Variants in HS3ST3A1 observed in about 807,000 individuals in gnomAD.
HS3ST3A1 encodes heparan sulfate-glucosamine 3-sulfotransferase 3A1.
Under a neutral mutation model 25.7 loss-of-function variants are expected in HS3ST3A1, and 19 were observed. That is an observed-to-expected ratio of 0.74 (90% confidence interval 0.52 to 1.08). The LOEUF is 1.08. Among genes scored for constraint, HS3ST3A1 ranks in the 50% least tolerant of loss-of-function variants. The probability of loss-of-function intolerance (pLI) is 0.00; values close to 1 mark genes in which losing one functional copy is unlikely to be tolerated. For synonymous variants in HS3ST3A1, 226 were observed against 278.6 expected (o/e 0.81, Z 1.88); for missense variants, 459 against 594.3 (o/e 0.77, Z 2.37).
At chr17:13,535,721 C>T (rs540756897) in intron 1 of HS3ST3A1, among the ~76,000 whole-genome samples, 3 of 152,186 alleles carry the variant, frequency 2.0e-5, no homozygotes, top group African/African-American at 7.2e-5. Flanking sequence ...TCTGTTCTTC[C>T]AAATCAGCTT....
chr17:13,496,663 T>C lies in HS3ST3A1; in HGVS notation c.755A>G (p.Asp252Gly). 1 of 1,613,646 alleles carries C rather than the reference T, an allele frequency of 6.2e-7. No homozygotes were observed. The highest frequency in any genetic ancestry group is 8.5e-7 in the Non-Finnish European group (1 of 1,179,896). Reference protein sequence around the residue: ...VRDPVTRAISDYTQTLSKRPD... With the variant: ...VRDPVTRAISGYTQTLSKRPD... ...CCGCTTGGACAGCGTCTGCGTGTAG[T>C]CCGAGATGGCCCTGGTCACCGGGTC... The change falls in exon 2 of 2, where the codon GAC becomes GGC. Residue 252 changes from aspartate to glycine, a missense_variant. This residue lies in a region of HS3ST3A1 where 67 missense variants were observed against 231.4 expected (regional missense o/e 0.29). Coordinates refer to ENST00000284110, the MANE Select transcript of HS3ST3A1 (RefSeq NM_006042.3).
intron 1 of HS3ST3A1, among the ~76,000 whole-genome samples, chr17:13,556,846 C>T (rs1256304665): frequency 1.9e-5 from 2 of 103,500 alleles, no homozygotes; most frequent in East Asian, 2.3e-4. Context: ...AGCGAAACTC[C>T]GCCTAAAAAA....
chr17:13,589,348 T>G (rs1054006594), intron 1 of HS3ST3A1, among the ~76,000 whole-genome samples: 2 of 152,182 alleles, frequency 1.3e-5, no homozygotes, highest in African/African-American at 4.8e-5. Context: ...CAAATGCACC[T>G]GAAAATCCCC....
chr17:13,562,780 G>A (rs1213381922), intron 1 of HS3ST3A1, among the ~76,000 whole-genome samples: 1 of 152,110 alleles, frequency 6.6e-6, no homozygotes, highest in Non-Finnish European at 1.5e-5. Flanking sequence ...AGCTCCAGGA[G>A]CCAGCGTTTA....
At chr17:13,506,827 C>T (rs893994577) in intron 1 of HS3ST3A1, among the ~76,000 whole-genome samples, 11 of 149,810 alleles carry the variant, frequency 7.3e-5, no homozygotes, top group East Asian at 2.0e-4. Context: ...GAGGCCGAGG[C>T]GGGTGGATCG....
At chr17:13,510,824 C>T in intron 1 of HS3ST3A1, among the ~76,000 whole-genome samples, 1 of 152,108 alleles carries the variant, frequency 6.6e-6, no homozygotes, top group Non-Finnish European at 1.5e-5. Flanking sequence ...CCTGCCTCAG[C>T]CTCCCGCGTA....
intron 1 of HS3ST3A1, among the ~76,000 whole-genome samples, chr17:13,551,632 G>C (rs1406935812): frequency 6.7e-6 from 1 of 148,556 alleles, no homozygotes; most frequent in Non-Finnish European, 1.5e-5. Flanking sequence ...AAAAGGGGGG[G>C]GGGTATTTTT....
At position 13,565,011 on chromosome 17, in the gene HS3ST3A1, C is replaced by T. The variant is rs372172706; in HGVS notation, c.599+35520G>A. Among the ~76,000 whole-genome samples, 134 of 152,136 alleles carry T rather than the reference C, an allele frequency of 8.8e-4. 1 individual carries two copies. The South Asian group carries it at 0.012, about 14-fold the overall frequency. Reference sequence around the variant, plus strand: ...TGCTGGGATTACAGACATGAGCCATCGTGCCTGGATGAAATTTGGACTTGT... The same window carrying T: ...TGCTGGGATTACAGACATGAGCCATTGTGCCTGGATGAAATTTGGACTTGT... On this transcript the variant is annotated intron_variant, in intron 1 of 1. Coordinates refer to ENST00000284110, the MANE Select transcript of HS3ST3A1 (RefSeq NM_006042.3).
rs1275813122 is a variant in HS3ST3A1, at chr17:13,600,806, G to C, written c.324C>G (p.Gly108=). The C allele has an allele frequency of 2.1e-6, 3 of 1,417,524 alleles. No homozygotes were observed. Among genetic ancestry groups the C allele is most frequent in the Non-Finnish European group, 1.8e-6 (2 of 1,099,056 alleles). 87.8% of individuals were successfully genotyped at this position (1,417,524 alleles called of 1,614,324 possible). A position where few individuals can be genotyped will look rare whatever the true frequency, so the allele number is the denominator to read the frequency against. ...ACTCTTCTTCCCAGGCCGCCTCCTC[G>C]CCGTCGTCGCGGGGCGCGGGCGGCC... ...RRRPPAPRDD[G]EEAAWEEESP... The change falls in exon 1 of 2, where the codon GGC becomes GGG. Residue 108 remains glycine, a synonymous_variant. Transcript: ENST00000284110.
At chr17:13,505,590 A>G (rs961347086) in intron 1 of HS3ST3A1, among the ~76,000 whole-genome samples, 2 of 151,994 alleles carry the variant, frequency 1.3e-5, no homozygotes, top group African/African-American at 4.8e-5. Flanking sequence ...GAATATTTAG[A>G]GTATAATCGG....
In HS3ST3A1 at chr17:13,544,479, T is replaced by A. The variant is rs370099783; in HGVS notation, c.600-47661A>T. 7.1e-4 allele frequency among the ~76,000 whole-genome samples: 108 copies of A among 152,340 alleles called. 2 individuals carry two copies. The South Asian group carries it at 0.022, about 30-fold the overall frequency. ...CCCTTTGAAGGAAGGGCTCGCTGCC[T>A]GGGAGCAGTTTTACTGTTTCACATT... On this transcript the variant is annotated intron_variant, in intron 1 of 1. Coordinates refer to ENST00000284110, the MANE Select transcript of HS3ST3A1 (RefSeq NM_006042.3).
At chr17:13,539,117 C>A (rs1053706159) in intron 1 of HS3ST3A1, among the ~76,000 whole-genome samples, 1 of 152,128 alleles carries the variant, frequency 6.6e-6, no homozygotes, top group African/African-American at 2.4e-5. Context: ...CTGTCTGGGC[C>A]TCTCCTCAGC....
At position 13,584,519 on chromosome 17, in the gene HS3ST3A1, A is replaced by AAAGGAAGGAAGGAAAG. The variant is rs796887141; in HGVS notation, c.599+15996_599+16011dup. Among the ~76,000 whole-genome samples the AAAGGAAGGAAGGAAAG allele has an allele frequency of 9.4e-3, 1,373 of 145,874 alleles. 67 individuals carry two copies. The highest frequency in any genetic ancestry group is 0.034 in the African/African-American group (1,275 of 37,100). On this transcript the variant is annotated intron_variant, in intron 1 of 1. Transcript: ENST00000284110. ...GGAGGCAAAGAAGGAAGGAAGGAAA[A>AAAGGAAGGAAGGAAAG]AAGGAAGGAAGGAAAGAAGGAAGGA...
intron 1 of HS3ST3A1, among the ~76,000 whole-genome samples, chr17:13,548,741 T>C (rs1400198830): frequency 6.6e-6 from 1 of 152,182 alleles, no homozygotes; most frequent in Non-Finnish European, 1.5e-5. Flanking sequence ...ATCATCACTC[T>C]GTAAAAACGC....
rs1905257179 is a variant in HS3ST3A1 at position 13,496,137 on chromosome 17, T to C, written c.*60A>G. On this transcript the variant is annotated 3_prime_UTR_variant, in exon 2 of 2. Coordinates refer to ENST00000284110, the MANE Select transcript of HS3ST3A1 (RefSeq NM_006042.3). ...CACAAATATTAAACTGTCTCTTCTC[T>C]ACCGATTGGTAAAAAAATATATTAT... is the stretch of plus-strand genomic sequence containing the variant. The C allele has an allele frequency of 1.4e-6, 2 of 1,436,640 alleles. No individual in the cohort carries two copies. Among genetic ancestry groups the C allele is most frequent in the South Asian group, 1.6e-5 (1 of 63,460 alleles). The allele number at this position is 1,436,640 out of a possible 1,614,324, so 89.0% of individuals were successfully genotyped here. A position where few individuals can be genotyped will look rare whatever the true frequency, so the allele number is the denominator to read the frequency against.
At chr17:13,556,579 C>T (rs555780336) in intron 1 of HS3ST3A1, among the ~76,000 whole-genome samples, 6 of 145,388 alleles carry the variant, frequency 4.1e-5, no homozygotes, top group African/African-American at 1.5e-4. Context: ...TGAGGCCGGT[C>T]ATGGTGGCTC....
intron 1 of HS3ST3A1, among the ~76,000 whole-genome samples, chr17:13,558,223 C>T (rs777262529): frequency 5.3e-5 from 8 of 152,098 alleles, no homozygotes; most frequent in Non-Finnish European, 1.2e-4. Context: ...AGACTTGGTG[C>T]ACTGCAGTTG....
intron 1 of HS3ST3A1, among the ~76,000 whole-genome samples, chr17:13,595,571 C>T (rs1359087916): frequency 1.3e-5 from 2 of 152,102 alleles, no homozygotes; most frequent in Non-Finnish European, 2.9e-5. Flanking sequence ...ATATTAGAGG[C>T]ACATATTTAA....
At chr17:13,561,616 A>T (rs370099433) in intron 1 of HS3ST3A1, among the ~76,000 whole-genome samples, 49 of 151,878 alleles carry the variant, frequency 3.2e-4, no homozygotes, top group Admixed American at 1.0e-3. Context: ...CTGGTCTCGA[A>T]CTCCTGACCT....
Sources: allele counts gnomAD v4.1 joint callset (sites outside exome capture counted in the v4.1 genomes callset), GRCh38; gene constraint gnomAD v4.1.1; regional missense constraint gnomAD v4.1.1; transcripts MANE v1.5; gene names NCBI Gene and HGNC (gene_info 2026-07-23, HGNC 2026-07-21).